Variants in DLG2 observed in about 807,000 individuals in gnomAD.
DLG2 encodes the protein disks large homolog 2.
DLG2 carries 45 observed loss-of-function variants against 132.5 expected under a neutral mutation model. The ratio of observed to expected loss-of-function variants is 0.34; its 90% CI spans 0.27 to 0.44. The LOEUF (loss-of-function observed/expected upper bound fraction) is 0.44. Among genes scored for constraint, DLG2 ranks in the 20% least tolerant of loss-of-function variants. The pLI, the probability that DLG2 is intolerant of heterozygous loss-of-function variation, is 1.00. For synonymous variants in DLG2, 424 were observed against 419.6 expected (o/e 1.01, Z -0.13); for missense variants, 1,045 against 1,196.9 (o/e 0.87, Z 1.87).
intron 3 of DLG2, among the ~76,000 whole-genome samples, chr11:85,590,041 C>A (rs2079212930): frequency 6.6e-6 from 1 of 152,124 alleles, no homozygotes; most frequent in Non-Finnish European, 1.5e-5. Flanking sequence ...CCATTTACTT[C>A]AAAGGACTCA....
chr11:84,990,427 T>G (rs1406248218), intron 6 of DLG2, among the ~76,000 whole-genome samples: 2 of 152,192 alleles, frequency 1.3e-5, no homozygotes, highest in East Asian at 3.9e-4. Context: ...GGCCCCTTTT[T>G]GCTTTTCTGC....
chr11:84,741,720 C>T (rs542162500), intron 6 of DLG2, among the ~76,000 whole-genome samples: 1 of 151,736 alleles, frequency 6.6e-6, no homozygotes, highest in Non-Finnish European at 1.5e-5. Flanking sequence ...CCACCAGACA[C>T]GTATAAGTTA....
At chr11:83,641,862 AGT>A (rs34754104) in intron 18 of DLG2, among the ~76,000 whole-genome samples, 92,817 of 147,700 alleles carry the variant, frequency 0.63, 31,612 homozygotes, top group East Asian at 0.82. Context: ...AGAGAGAGGG[AGT>A]GTGTGTGTGT....
At chr11:84,503,824 A>G (rs1047309662) in intron 7 of DLG2, among the ~76,000 whole-genome samples, 33 of 152,246 alleles carry the variant, frequency 2.2e-4, no homozygotes, top group African/African-American at 7.7e-4. Context: ...GCATCACTGC[A>G]TCATTCTTAA....
chr11:84,511,650 A>G (rs1565151420), intron 7 of DLG2, among the ~76,000 whole-genome samples: 1 of 152,180 alleles, frequency 6.6e-6, no homozygotes, highest in African/African-American at 2.4e-5. Context: ...TTTGAATGCT[A>G]ACATCAAAAA....
chr11:85,586,333 T>A (rs2078969165), intron 3 of DLG2, among the ~76,000 whole-genome samples: 1 of 152,186 alleles, frequency 6.6e-6, no homozygotes, highest in Admixed American at 6.5e-5. Flanking sequence ...GGCCATCTGG[T>A]CCTGGACTTT....
intron 15 of DLG2, among the ~76,000 whole-genome samples, chr11:83,913,694 GGTGA>G (rs1374679550): frequency 5.3e-5 from 8 of 152,232 alleles, no homozygotes; most frequent in African/African-American, 1.9e-4. Flanking sequence ...GAGGTGGCCA[GGTGA>G]ATGGTACATG....
At chr11:85,503,925 C>T (rs2093865279) in intron 3 of DLG2, among the ~76,000 whole-genome samples, 3 of 152,198 alleles carry the variant, frequency 2.0e-5, no homozygotes, top group Middle Eastern at 6.8e-3. Flanking sequence ...CAGTGAGACC[C>T]TGTCTCAAGA....
At chr11:83,483,209 GGAAAA>G (rs772787887) in intron 22 of DLG2, 27 of 1,561,898 alleles carry the variant, frequency 1.7e-5, no homozygotes, top group Middle Eastern at 1.7e-4. Flanking sequence ...CAAAAGGAAA[GGAAAA>G]GAAAAGAAAA....
chr11:83,590,217 C>T (rs2097163687), intron 19 of DLG2, among the ~76,000 whole-genome samples: 1 of 150,510 alleles, frequency 6.6e-6, no homozygotes, highest in Non-Finnish European at 1.5e-5. Context: ...ACACCTATTC[C>T]AAAATTGACC....
At chr11:84,313,673 GAAAGAAAGAA>G (rs2098324477) in intron 7 of DLG2, among the ~76,000 whole-genome samples, 1 of 151,212 alleles carries the variant, frequency 6.6e-6, no homozygotes, top group Admixed American at 6.6e-5. Context: ...AAGAAAGAAA[GAAAGAAAGAA>G]AGAAAAAGAA....
At chr11:84,329,854 C>T (rs577664734) in intron 7 of DLG2, among the ~76,000 whole-genome samples, 30 of 152,268 alleles carry the variant, frequency 2.0e-4, no homozygotes, top group Middle Eastern at 3.4e-3. Context: ...ATAACATTTA[C>T]GCACCTCATT....
At chr11:84,338,650 C>G (rs1335605092) in intron 7 of DLG2, among the ~76,000 whole-genome samples, 1 of 151,848 alleles carries the variant, frequency 6.6e-6, no homozygotes, top group Middle Eastern at 3.4e-3. Context: ...TGCTGAAATA[C>G]AAAAAAATTA....
chr11:84,416,132 A>G (rs899664328), intron 7 of DLG2, among the ~76,000 whole-genome samples: 1 of 152,180 alleles, frequency 6.6e-6, no homozygotes, highest in East Asian at 1.9e-4. Context: ...CAGCCTTGAT[A>G]CCAATATCCT....
intron 6 of DLG2, among the ~76,000 whole-genome samples, chr11:84,743,110 G>A (rs1432393278): frequency 6.6e-6 from 1 of 152,078 alleles, no homozygotes; most frequent in Non-Finnish European, 1.5e-5. Flanking sequence ...TGTAAACACA[G>A]TACAGAGAAG....
chr11:85,177,808 A>G (rs1027483828), intron 4 of DLG2, among the ~76,000 whole-genome samples: 3 of 152,118 alleles, frequency 2.0e-5, no homozygotes, highest in African/African-American at 7.2e-5. Context: ...TTTAACAAAT[A>G]TATATTTTAA....
rs572819402 is a variant in DLG2, at chr11:85,011,594, A to G, written c.357+100067T>C. On this transcript the variant is annotated intron_variant, in intron 6 of 27. Transcript: ENST00000376104. ...TATGACCTTAAATTACACTATTTAT[A>G]TACTCTCTCCAGGCCTCAGTTTCTC... Among the ~76,000 whole-genome samples the G allele has an allele frequency of 1.4e-4, 22 of 152,316 alleles. No homozygotes were observed. The South Asian group carries it at 4.3e-3, about 30-fold the overall frequency.
At chr11:84,871,360 A>G (rs566324910) in intron 6 of DLG2, among the ~76,000 whole-genome samples, 18 of 152,312 alleles carry the variant, frequency 1.2e-4, no homozygotes, top group African/African-American at 4.3e-4. Flanking sequence ...CAGAAAGCAT[A>G]TGACAGTGTG....
At chr11:85,342,733 G>A (rs1333158682) in intron 3 of DLG2, among the ~76,000 whole-genome samples, 2 of 152,104 alleles carry the variant, frequency 1.3e-5, no homozygotes. Context: ...AAACGCATGA[G>A]TAATGCATTG....
Sources: allele counts gnomAD v4.1 joint callset (sites outside exome capture counted in the v4.1 genomes callset), GRCh38; gene constraint gnomAD v4.1.1; transcripts MANE v1.5; gene names NCBI Gene and HGNC (gene_info 2026-07-23, HGNC 2026-07-21).